Variants in CACNA1D observed in about 807,000 individuals in gnomAD.
CACNA1D encodes voltage-dependent L-type calcium channel subunit alpha-1D.
In CACNA1D, 55 loss-of-function variants were observed where a neutral mutation model predicts 257.1. The observed-to-expected ratio is 0.21, with a 90% CI of 0.17 to 0.27. The LOEUF is 0.27. CACNA1D is among the 10% of genes least tolerant of loss of function. The pLI, the probability that CACNA1D is intolerant of heterozygous loss-of-function variation, is 1.00. For synonymous variants in CACNA1D, 980 were observed against 1,014.9 expected, an observed-to-expected ratio of 0.97 and a Z score of 0.65; for missense variants, 1,876 against 2,784.0, an observed-to-expected ratio of 0.67 and a Z score of 7.34.
Position 53,805,108 on chromosome 3 carries a change from G to T in CACNA1D, c.5711G>T (p.Arg1904Ile), listed in dbSNP as rs2095555499. The T allele has an allele frequency of 3.7e-6, 6 of 1,614,084 alleles. No homozygotes were observed. Among genetic ancestry groups the T allele is most frequent in the Non-Finnish European group, 5.1e-6 (6 of 1,180,026 alleles). The change falls in exon 45 of 48, where the codon AGA becomes ATA. Residue 1904 changes from arginine (R) to isoleucine (I), a missense_variant. Arg to Ile is a moderately conservative substitution (Grantham distance 97). Around this residue, in one of 10 missense-constraint regions of CACNA1D, gnomAD observed 491 missense variants for 554.3 expected, o/e 0.89. Transcript: ENST00000350061. ...DDSPVCYDSR[R>I]SPRRRLLPPT... ...TCGCCCGTTTGCTATGATTCACGGA[G>T]ATCTCCAAGGAGACGCCTACTACCT...
At chr3:53,580,976 G>T (rs1252383559) in intron 3 of CACNA1D, among the ~76,000 whole-genome samples, 1 of 152,246 alleles carries the variant, frequency 6.6e-6, no homozygotes, top group Non-Finnish European at 1.5e-5. Context: ...GGAGGTGAAA[G>T]ATCTGGACCC....
At position 53,751,832 on chromosome 3, in the gene CACNA1D, C is replaced by G. The variant is rs749592221; in HGVS notation, c.3600C>G (p.Tyr1200Ter). The G allele has an allele frequency of 6.2e-7, 1 of 1,613,514 alleles. No individual in the cohort carries two copies. Among genetic ancestry groups the G allele is most frequent in the Non-Finnish European group, 8.5e-7 (1 of 1,179,460 alleles). Residue 1200 changes from tyrosine to a stop codon, truncating the protein, a stop_gained, in exon 28 of 48, where the codon TAC (tyrosine) becomes TAG (stop). Transcript: ENST00000350061. LOFTEE classifies it high-confidence loss of function. The surrounding 1 kb of genome is among the most constrained non-coding windows in gnomAD (Gnocchi z 4.3). ...PKNPYQYKFW[Y>*]VVNSSPFEYM... ...ACCCCTACCAGTACAAGTTCTGGTA[C>G]GTGGTGAACTCTTCGCCTTTCGAAT...
At chr3:53,596,437 C>T (rs1289273925) in intron 3 of CACNA1D, among the ~76,000 whole-genome samples, 1 of 152,116 alleles carries the variant, frequency 6.6e-6, no homozygotes, top group Non-Finnish European at 1.5e-5. Context: ...AAATGGCCCC[C>T]CCCAAAAGAT....
intron 3 of CACNA1D, among the ~76,000 whole-genome samples, chr3:53,580,156 T>A (rs534936781): frequency 6.6e-6 from 1 of 152,318 alleles, no homozygotes; most frequent in South Asian, 2.1e-4. Context: ...AGATGTGCCA[T>A]GCTGAAAAAA....
chr3:53,703,958 A>G (rs2094655629), intron 9 of CACNA1D, among the ~76,000 whole-genome samples: 1 of 152,152 alleles, frequency 6.6e-6, no homozygotes, highest in South Asian at 2.1e-4. Context: ...GCCCTGAAGG[A>G]TGGATGGATT....
At chr3:53,611,200 G>A (rs1468933910) in intron 3 of CACNA1D, among the ~76,000 whole-genome samples, 1 of 152,236 alleles carries the variant, frequency 6.6e-6, no homozygotes, top group Non-Finnish European at 1.5e-5. Context: ...CACAGGCAAC[G>A]TAGCAAGACC....
rs75160417 is a variant in CACNA1D, at chr3:53,615,857, A to G, written c.484-34922A>G. ...GGCAGCCACTTCTGGGTGACAAGGA[A>G]ATGTCAAACTCCTCCTTGGCAGTTC... On this transcript the variant is annotated intron_variant, in intron 3 of 47. Transcript: ENST00000350061. Among the ~76,000 whole-genome samples, 10 of 152,300 alleles carry G rather than the reference A, an allele frequency of 6.6e-5. No homozygotes were observed. The East Asian group carries it at 1.9e-3, about 29-fold the overall frequency.
intron 37 of CACNA1D, among the ~76,000 whole-genome samples, chr3:53,777,490 CG>C (rs1320182895): frequency 6.6e-6 from 1 of 152,096 alleles, no homozygotes; most frequent in Admixed American, 6.5e-5. Flanking sequence ...AGAGCCAGAA[CG>C]AAGGCAGCAG....
intron 3 of CACNA1D, among the ~76,000 whole-genome samples, chr3:53,569,535 G>T (rs1464368737): frequency 6.6e-6 from 1 of 152,228 alleles, no homozygotes; most frequent in Non-Finnish European, 1.5e-5. Flanking sequence ...TCCATATACA[G>T]TGGAGATTCT....
chr3:53,702,138 G>T (rs1047571137), intron 8 of CACNA1D, among the ~76,000 whole-genome samples: 1 of 152,182 alleles, frequency 6.6e-6, no homozygotes, highest in African/African-American at 2.4e-5. Context: ...ACTGCTGCCT[G>T]CTCAGAGCTC....
rs1459042001 is a variant in CACNA1D at position 53,774,375 on chromosome 3, G to A, written c.4111-212G>A. ...AGGGGAGATCCGCGAATGTGAGACCGTGCCCCTCTGGAGCACCACGTTCCC... is the reference window on the plus strand; with the variant it reads ...AGGGGAGATCCGCGAATGTGAGACCATGCCCCTCTGGAGCACCACGTTCCC... On this transcript the variant is annotated intron_variant, in intron 33 of 47. Coordinates refer to ENST00000350061, the MANE Select transcript of CACNA1D (RefSeq NM_001128840.3). This position sits in a 1 kb window ranked among gnomAD's most constrained non-coding sequence, Gnocchi z 4.3. 5.4e-6 allele frequency: 3 copies of A among 554,780 alleles called. No individual in the cohort carries two copies. The highest frequency in any genetic ancestry group is 3.0e-5 in the Admixed American group (1 of 33,312). 34.4% of individuals were successfully genotyped at this position (554,780 alleles called of 1,614,324 possible). A position where few individuals can be genotyped will look rare whatever the true frequency, so the allele number is the denominator to read the frequency against.
Position 53,731,067 on chromosome 3 carries a change from T to C in CACNA1D, c.2337-10T>C, listed in dbSNP as rs770590034. On this transcript the variant is annotated splice_polypyrimidine_tract_variant and intron_variant, in intron 16 of 47. Coordinates refer to ENST00000350061, the MANE Select transcript of CACNA1D (RefSeq NM_001128840.3). ...ATTTGGTTTCTTGTGCTCTTTTCTC[T>C]TCTCTTTAGAAAAGAGAGCCTAGAA... 8.3e-6 allele frequency: 13 copies of C among 1,568,114 alleles called. No individual in the cohort carries two copies. In the Admixed American group the frequency reaches 2.0e-4, roughly 24 times the overall value.
chr3:53,750,613 C>G (rs1223665287), intron 27 of CACNA1D, among the ~76,000 whole-genome samples: 2 of 152,222 alleles, frequency 1.3e-5, no homozygotes. Context: ...AGGGAGAGGT[C>G]TGGCCCAGCA....
At chr3:53,693,048 T>C (rs1272251546) in intron 8 of CACNA1D, among the ~76,000 whole-genome samples, 1 of 152,126 alleles carries the variant, frequency 6.6e-6, no homozygotes, top group Non-Finnish European at 1.5e-5. Flanking sequence ...GTCTCAAAAC[T>C]AAAAGTAAAA....
At chr3:53,669,801 A>G (rs1489055062) in intron 7 of CACNA1D, among the ~76,000 whole-genome samples, 1 of 152,242 alleles carries the variant, frequency 6.6e-6, no homozygotes, top group East Asian at 1.9e-4. Context: ...TTTGACTCAC[A>G]TGTGAGTGTT....
At chr3:53,538,860 A>G (rs2092213956) in intron 3 of CACNA1D, among the ~76,000 whole-genome samples, 3 of 152,194 alleles carry the variant, frequency 2.0e-5, no homozygotes, top group Admixed American at 1.3e-4. Flanking sequence ...GTAAAAACAC[A>G]TAGAGAAAAT....
intron 29 of CACNA1D, among the ~76,000 whole-genome samples, chr3:53,759,851 A>G (rs1199133268): frequency 2.0e-5 from 3 of 152,184 alleles, no homozygotes; most frequent in Admixed American, 1.3e-4. Flanking sequence ...TCTTGATCTC[A>G]CCTCTGACTG....
At chr3:53,691,684 T>A (rs970892578) in intron 8 of CACNA1D, among the ~76,000 whole-genome samples, 1 of 125,184 alleles carries the variant, frequency 8.0e-6, no homozygotes, top group African/African-American at 3.1e-5. Context: ...GTAATATATA[T>A]ATTGCAGATA....
In CACNA1D at chr3:53,589,534, G is replaced by C. The variant is rs114865300; in HGVS notation, c.484-61245G>C. ...GCCAAACCCCTTGCCGACTCTTCAG[G>C]GTCATTTTGATCTTCCCGCCACCCA... On this transcript the variant is annotated intron_variant, in intron 3 of 47. Coordinates refer to ENST00000350061, the MANE Select transcript of CACNA1D (RefSeq NM_001128840.3). 6.8e-3 allele frequency among the ~76,000 whole-genome samples: 1,033 copies of C among 152,190 alleles called. 19 individuals carry two copies. Among genetic ancestry groups the C allele is most frequent in the African/African-American group, 0.023 (953 of 41,470 alleles).
Sources: allele counts gnomAD v4.1 joint callset (sites outside exome capture counted in the v4.1 genomes callset), GRCh38; gene constraint gnomAD v4.1.1; regional missense constraint gnomAD v4.1.1; non-coding constraint Gnocchi (gnomAD v3.1); transcripts MANE v1.5; gene names NCBI Gene and HGNC (gene_info 2026-07-23, HGNC 2026-07-21).